The following NLRP8 variants were observed in gnomAD, a reference collection of about 807,000 sequenced individuals.
NLRP8 encodes the protein NLR family pyrin domain containing 8.
In NLRP8, 86 loss-of-function variants were observed where a neutral mutation model predicts 88.7. That is an observed-to-expected ratio of 0.97 (90% CI 0.81 to 1.16). NLRP8 has a LOEUF of 1.16. NLRP8 is among the 50% of genes most tolerant of loss of function. The pLI is 0.00. For synonymous variants in NLRP8, 504 were observed against 494.6 expected, an observed-to-expected ratio of 1.02 and a Z score of -0.25; for missense variants, 1,342 against 1,286.5, an observed-to-expected ratio of 1.04 and a Z score of -0.66.
chr19:55,952,753 C>T, intron 2 of NLRP8, 141 bp downstream of exon 2: 1 of 637,790 alleles, frequency 1.6e-6, no homozygotes, highest in Admixed American at 2.7e-5. Flanking sequence ...TGGCGAAACT[C>T]TGTCTCTACT....
chr19:55,961,107 G>A (rs1011786531), intron 3 of NLRP8, among the ~76,000 whole-genome samples: 1 of 151,988 alleles, frequency 6.6e-6, no homozygotes, highest in African/African-American at 2.4e-5. Flanking sequence ...GTTTCACTAT[G>A]TTGGCCAGGC....
chr19:55,964,549 C>T (rs1979753319), intron 4 of NLRP8, among the ~76,000 whole-genome samples: 2 of 152,036 alleles, frequency 1.3e-5, no homozygotes, highest in Non-Finnish European at 2.9e-5. Flanking sequence ...CTCAGGAGTT[C>T]GTGACCAGCC....
chr19:55,957,681 ATAT>A (rs1979432327), intron 3 of NLRP8, among the ~76,000 whole-genome samples: 1 of 2,756 alleles, frequency 3.6e-4, no homozygotes, highest in Non-Finnish European at 1.5e-3. Context: ...AATTATATAT[ATAT>A]ATATATATAT....
chr19:55,960,844 T>A (rs1232111457), intron 3 of NLRP8, among the ~76,000 whole-genome samples: 1 of 151,856 alleles, frequency 6.6e-6, no homozygotes, highest in East Asian at 1.9e-4. Flanking sequence ...GTGCTAGAGA[T>A]GATTAAACTA....
chr19:55,955,751 G>A lies in NLRP8; in HGVS notation c.1693G>A (p.Glu565Lys), dbSNP rs759103293. 33 of 1,613,976 alleles carry A rather than the reference G, an allele frequency of 2.0e-5. No homozygotes were observed. Among genetic ancestry groups the A allele is most frequent in the Admixed American group, 1.0e-4 (6 of 59,994 alleles). The stretch of plus-strand genomic sequence containing the variant: ...ACTTTTCTTATTCGGTTTTCTGAAC[G>A]AGGCCTGCGCTTCGGCCGTGGAACA... The change falls in exon 3 of 10, where the codon GAG becomes AAG. Residue 565 changes from glutamate (E) to lysine (K), a missense_variant. Physicochemically the swap from Glu to Lys is moderately conservative, Grantham distance 56. Coordinates refer to ENST00000291971, the MANE Select transcript of NLRP8 (RefSeq NM_176811.2).
intron 5 of NLRP8, among the ~76,000 whole-genome samples, chr19:55,970,068 G>A (rs1335752347): frequency 2.6e-5 from 4 of 152,296 alleles, no homozygotes; most frequent in Middle Eastern, 3.4e-3. Context: ...ACAGCAGGGT[G>A]ACTATAACTA....
At chr19:55,970,437 G>A (rs183559387) in intron 5 of NLRP8, 107 bp from the exon 6 acceptor site, 235 of 1,279,782 alleles carry the variant, frequency 1.8e-4, no homozygotes, top group African/African-American at 1.7e-3. Flanking sequence ...ATAATCCCCC[G>A]AGTCTCTGCT....
At chr19:55,960,520 C>T (rs1300272892) in intron 3 of NLRP8, among the ~76,000 whole-genome samples, 1 of 152,188 alleles carries the variant, frequency 6.6e-6, no homozygotes, top group Non-Finnish European at 1.5e-5. Context: ...CACAGTGAAT[C>T]ACAATGTCTT....
intron 5 of NLRP8, among the ~76,000 whole-genome samples, chr19:55,967,796 C>A (rs62130165): frequency 0.071 from 10,780 of 152,242 alleles, 413 homozygotes; most frequent in Non-Finnish European, 0.084. Flanking sequence ...TGTTAAACAA[C>A]GTTTTTAAAA....
At chr19:55,968,339 C>T (rs1325755653) in intron 5 of NLRP8, among the ~76,000 whole-genome samples, 2 of 151,310 alleles carry the variant, frequency 1.3e-5, no homozygotes, top group African/African-American at 4.9e-5. Context: ...CTCAGGAGGC[C>T]GAGGCAGGAG....
At chr19:55,961,197 C>G (rs150596757) in intron 3 of NLRP8, among the ~76,000 whole-genome samples, 1 of 152,004 alleles carries the variant, frequency 6.6e-6, no homozygotes, top group Admixed American at 6.6e-5. Context: ...CCACCGTGCC[C>G]GGCCACTTTC....
At chr19:55,976,349 A>G (rs1980323532) in intron 8 of NLRP8, 46 bp downstream of exon 8, 2 of 1,476,396 alleles carry the variant, frequency 1.4e-6, no homozygotes, top group East Asian at 4.8e-5. Flanking sequence ...AGAATTGTAT[A>G]TAAGCGTCTC....
At chr19:55,962,035 G>C (rs561835701) in intron 3 of NLRP8, 32 bp from the exon 4 acceptor site, 1 of 1,603,296 alleles carries the variant, frequency 6.2e-7, no homozygotes, top group Non-Finnish European at 8.5e-7. Context: ...GTTTAACGAA[G>C]AGGTGTTTTC....
chr19:55,953,175 G>T (rs977088344), intron 2 of NLRP8, among the ~76,000 whole-genome samples: 1 of 152,038 alleles, frequency 6.6e-6, no homozygotes, highest in South Asian at 2.1e-4. Context: ...ACCCTCTCGT[G>T]AACTGTGCAT....
At position 55,955,855 on chromosome 19, in the gene NLRP8, A is replaced by G. The variant is rs1460405427; in HGVS notation, c.1797A>G (p.Pro599=). The change falls in exon 3 of 10, where the codon CCA becomes CCG. Residue 599 remains proline (P), a synonymous_variant. Coordinates refer to ENST00000291971, the MANE Select transcript of NLRP8 (RefSeq NM_176811.2). Reference sequence around the variant, plus strand: ...TACCTCTGTTGCATAAATGTGACCCACCTTCTCCGGGCAGTGGGGTCCCGC... The same window carrying G: ...TACCTCTGTTGCATAAATGTGACCCGCCTTCTCCGGGCAGTGGGGTCCCGC... 25 of 1,613,992 alleles carry G rather than the reference A, an allele frequency of 1.5e-5. No individual in the cohort carries two copies. The highest frequency in any genetic ancestry group is 1.6e-4 in the Middle Eastern group (1 of 6,084).
At chr19:55,956,187 AAACCT>A in intron 3 of NLRP8, 87 bp downstream of exon 3, 18 of 1,319,308 alleles carry the variant, frequency 1.4e-5, no homozygotes, top group Non-Finnish European at 1.4e-5. Context: ...GTCAATCTGC[AAACCT>A]TTCTGATCTC....
At position 55,955,526 on chromosome 19, in the gene NLRP8, A is replaced by T. The variant is rs748223120; in HGVS notation, c.1468A>T (p.Met490Leu). The change falls in exon 3 of 10, where the codon ATG becomes TTG. Residue 490 changes from methionine (M) to leucine (L), a missense_variant. Coordinates refer to ENST00000291971, the MANE Select transcript of NLRP8 (RefSeq NM_176811.2). ...GACGGGAGTCACCGCCTTCCTTGGCATGAGTATTCTTCGGAGAATTGCAGG... is the reference window on the plus strand; with the variant it reads ...GACGGGAGTCACCGCCTTCCTTGGCTTGAGTATTCTTCGGAGAATTGCAGG... The T allele has an allele frequency of 1.2e-6, 2 of 1,614,208 alleles. No homozygotes were observed. Among genetic ancestry groups the T allele is most frequent in the Non-Finnish European group, 1.7e-6 (2 of 1,180,026 alleles).
In NLRP8 at chr19:55,955,275, T is replaced by A; in HGVS notation, c.1217T>A (p.Leu406Gln). 1 of 1,614,182 alleles carries A rather than the reference T, an allele frequency of 6.2e-7. No homozygotes were observed. The highest frequency in any genetic ancestry group is 8.5e-7 in the Non-Finnish European group (1 of 1,180,032). The stretch of plus-strand genomic sequence containing the variant: ...GTTTGCTGGATGGTCTGCTCTGGTC[T>A]GAAACAGCAAATGGAGAGAGGAAAC... The change falls in exon 3 of 10, where the codon CTG becomes CAG. Residue 406 changes from leucine to glutamine, a missense_variant. Leu to Gln is a moderately radical substitution (Grantham distance 113). Coordinates refer to ENST00000291971, the MANE Select transcript of NLRP8 (RefSeq NM_176811.2).
Position 55,976,235 on chromosome 19 carries a change from G to T in NLRP8, c.2808G>T (p.Leu936=), listed in dbSNP as rs1980314069. The T allele has an allele frequency of 1.9e-6, 3 of 1,613,846 alleles. No homozygotes were observed. In the African/African-American group the frequency reaches 4.0e-5, roughly 22 times the overall value. The stretch of plus-strand genomic sequence containing the variant: ...GTCTTGACCTAAGTTTTAATAGCCT[G>T]AAGGATGATGGGGTGATCCTGCTGT... Residue 936 remains leucine (L), a synonymous_variant, in exon 8 of 10, where the codon CTG becomes CTT. Transcript: ENST00000291971.
Sources: allele counts gnomAD v4.1 joint callset (sites outside exome capture counted in the v4.1 genomes callset), GRCh38; gene constraint gnomAD v4.1.1; transcripts MANE v1.5; gene names NCBI Gene and HGNC (gene_info 2026-07-23, HGNC 2026-07-21).